The following CHST12 variants were observed in gnomAD, a reference collection of about 807,000 sequenced individuals.
CHST12 encodes the protein carbohydrate sulfotransferase 12.
In CHST12, 23 loss-of-function variants were observed where a neutral mutation model predicts 27.9. That is an observed-to-expected ratio of 0.82 (90% CI 0.59 to 1.17). CHST12 has a LOEUF of 1.17. CHST12 is among the 50% of genes most tolerant of loss of function. The pLI is 0.00. For synonymous variants in CHST12, 322 were observed against 273.0 expected (o/e 1.18, Z -1.77); for missense variants, 682 against 603.0 (o/e 1.13, Z -1.37).
At position 2,432,552 on chromosome 7, in the gene CHST12, T is replaced by C; in HGVS notation, c.-77-11T>C. 7.1e-7 allele frequency: 1 copy of C among 1,406,988 alleles called. No individual in the cohort carries two copies. The highest frequency in any genetic ancestry group is 9.6e-7 in the Non-Finnish European group (1 of 1,040,796). The allele number at this position is 1,406,988 out of a possible 1,614,324, so 87.2% of individuals were successfully genotyped here. ...CCTCAGTCATTAACTAGTGTGTCAT[T>C]GCATCTGCAGGTTCCCAGCAGGATG... On this transcript the variant is annotated splice_polypyrimidine_tract_variant and intron_variant, in intron 1 of 1. Coordinates refer to ENST00000618655, the MANE Select transcript of CHST12 (RefSeq NM_018641.5).
chr7:2,406,943 C>T (rs78318957), intron 1 of CHST12, among the ~76,000 whole-genome samples: 2,179 of 150,892 alleles, frequency 0.014, 49 homozygotes, highest in African/African-American at 0.05. Context: ...CGGAGGTGAG[C>T]GAAAATATCG....
At chr7:2,424,079 C>T (rs956679012) in intron 1 of CHST12, among the ~76,000 whole-genome samples, 1 of 151,810 alleles carries the variant, frequency 6.6e-6, no homozygotes, top group Non-Finnish European at 1.5e-5. Context: ...TAAGGCTGGG[C>T]ACAATGGCTT....
At chr7:2,423,757 C>T (rs1053626584) in intron 1 of CHST12, among the ~76,000 whole-genome samples, 3 of 152,196 alleles carry the variant, frequency 2.0e-5, no homozygotes, top group African/African-American at 7.2e-5. Flanking sequence ...GAGCTTTTTA[C>T]TGTGATTTAC....
At chr7:2,406,634 G>C (rs1237048086) in intron 1 of CHST12, among the ~76,000 whole-genome samples, 1 of 152,098 alleles carries the variant, frequency 6.6e-6, no homozygotes, top group East Asian at 1.9e-4. Flanking sequence ...CAGGAGGATG[G>C]ATGTGTCTTT....
At chr7:2,422,825 C>T (rs767656304) in intron 1 of CHST12, among the ~76,000 whole-genome samples, 34 of 151,160 alleles carry the variant, frequency 2.2e-4, no homozygotes, top group Non-Finnish European at 4.1e-4. Context: ...AGAGCCACTG[C>T]GTGCAGCCCT....
At chr7:2,404,484 G>A (rs547087215) in intron 1 of CHST12, among the ~76,000 whole-genome samples, 74 of 152,380 alleles carry the variant, frequency 4.9e-4, no homozygotes, top group African/African-American at 1.7e-3. Context: ...AGGAATGTGA[G>A]TTGCAGGCGC....
rs1782780161 is a variant in CHST12, at chr7:2,447,303, C to T, written c.*13419C>T. The T allele has an allele frequency of 6.6e-6, 1 of 152,284 alleles. No homozygotes were observed. The highest frequency in any genetic ancestry group is 1.5e-5 in the Non-Finnish European group (1 of 68,102). The allele number at this position is 152,284 out of a possible 1,614,324, so 9.4% of individuals were successfully genotyped here. A position where few individuals can be genotyped will look rare whatever the true frequency, so the allele number is the denominator to read the frequency against. On this transcript the variant is annotated 3_prime_UTR_variant, in exon 2 of 2. Transcript: ENST00000618655. ...CCAAAGCCTCCTCCTCTTACATCAG[C>T]AAACCTTCTGTTCGGTGACCCCCTC...
At position 2,438,791 on chromosome 7, in the gene CHST12, C is replaced by T. The variant is rs1435121420; in HGVS notation, c.*4907C>T. 6.6e-6 allele frequency: 1 copy of T among 152,262 alleles called. No individual in the cohort carries two copies. The highest frequency in any genetic ancestry group is 1.5e-5 in the Non-Finnish European group (1 of 68,082). The allele number at this position is 152,262 out of a possible 1,614,324, so 9.4% of individuals were successfully genotyped here. A position where few individuals can be genotyped will look rare whatever the true frequency, so the allele number is the denominator to read the frequency against. On this transcript the variant is annotated 3_prime_UTR_variant, in exon 2 of 2. Transcript: ENST00000618655. ...TTACCCTAGGAGGGCTGAGTCAGGCCTCCCTACCCAGGCCCAAGGGCAGAT... is the reference window on the plus strand; with the variant it reads ...TTACCCTAGGAGGGCTGAGTCAGGCTTCCCTACCCAGGCCCAAGGGCAGAT...
intron 1 of CHST12, among the ~76,000 whole-genome samples, chr7:2,405,877 A>C (rs1028093704): frequency 2.0e-5 from 3 of 152,180 alleles, no homozygotes; most frequent in African/African-American, 7.2e-5. Flanking sequence ...CTGGTGGAGA[A>C]GAGACAGCCT....
intron 1 of CHST12, among the ~76,000 whole-genome samples, chr7:2,416,675 C>CT (rs2115402623): frequency 6.6e-6 from 1 of 152,260 alleles, no homozygotes; most frequent in African/African-American, 2.4e-5. Context: ...ATTGTAGGAT[C>CT]TGTGGCCTGT....
Position 2,433,913 on chromosome 7 carries a change from C to T in CHST12, c.*29C>T. ...CTTTCGCGTTGCTTTTTCTCGCGTG[C>T]CTGGAACCTGACGCACGCGCACTCC... On this transcript the variant is annotated 3_prime_UTR_variant, in exon 2 of 2. Coordinates refer to ENST00000618655, the MANE Select transcript of CHST12 (RefSeq NM_018641.5). This position sits in a 1 kb window ranked among gnomAD's most constrained non-coding sequence, Gnocchi z 6.1. The T allele has an allele frequency of 2.6e-6, 4 of 1,534,976 alleles. No homozygotes were observed. Among genetic ancestry groups the T allele is most frequent in the Non-Finnish European group, 3.5e-6 (4 of 1,140,116 alleles).
Position 2,434,112 on chromosome 7 carries a change from ACCCGCCCGCCCGCTCG to A in CHST12, c.*234_*249del, listed in dbSNP as rs1209388507. ...TATCCCCTCTCCCCTCCGCCCGCCC[ACCCGCCCGCCCGCTCG>A]CCCGCTCGCCCGCTCCTGTGGTTTT... is the stretch of plus-strand genomic sequence containing the variant. On this transcript the variant is annotated 3_prime_UTR_variant, in exon 2 of 2. Coordinates refer to ENST00000618655, the MANE Select transcript of CHST12 (RefSeq NM_018641.5). The A allele has an allele frequency of 1.4e-5, 5 of 345,176 alleles. No homozygotes were observed. Among genetic ancestry groups the A allele is most frequent in the Non-Finnish European group, 2.1e-5 (4 of 193,568 alleles). 21.4% of individuals were successfully genotyped at this position (345,176 alleles called of 1,614,324 possible). A position where few individuals can be genotyped will look rare whatever the true frequency, so the allele number is the denominator to read the frequency against.
intron 1 of CHST12, among the ~76,000 whole-genome samples, chr7:2,411,638 A>G (rs1463607808): frequency 6.6e-6 from 1 of 151,948 alleles, no homozygotes; most frequent in Non-Finnish European, 1.5e-5. Flanking sequence ...GATAGGTGCC[A>G]GCCACCACAC....
rs896191653 is a variant in CHST12 at position 2,434,973 on chromosome 7, C to T, written c.*1089C>T. On this transcript the variant is annotated 3_prime_UTR_variant, in exon 2 of 2. Transcript: ENST00000618655. ...GTGCACATCTGTAAACCCAGCTACTCAGGAGGCTGAGGAGGGAGGATCACT... is the reference window on the plus strand; with the variant it reads ...GTGCACATCTGTAAACCCAGCTACTTAGGAGGCTGAGGAGGGAGGATCACT... 1 of 151,846 alleles carries T rather than the reference C, an allele frequency of 6.6e-6. No individual in the cohort carries two copies. The highest frequency in any genetic ancestry group is 2.4e-5 in the African/African-American group (1 of 41,264). 9.4% of individuals were successfully genotyped at this position (151,846 alleles called of 1,614,324 possible). A position where few individuals can be genotyped will look rare whatever the true frequency, so the allele number is the denominator to read the frequency against.
intron 1 of CHST12, among the ~76,000 whole-genome samples, chr7:2,412,464 G>A (rs925154709): frequency 1.3e-5 from 2 of 152,146 alleles, no homozygotes; most frequent in African/African-American, 4.8e-5. Context: ...GGTAGTTTCT[G>A]GTCTTTGTGT....
intron 1 of CHST12, among the ~76,000 whole-genome samples, chr7:2,413,373 T>C (rs1781717550): frequency 6.6e-6 from 1 of 152,258 alleles, no homozygotes; most frequent in African/African-American, 2.4e-5. Flanking sequence ...ATTTTCTTTT[T>C]AACTTTAAAT....
In CHST12 at chr7:2,438,880, T is replaced by C. The variant is rs1782537376; in HGVS notation, c.*4996T>C. On this transcript the variant is annotated 3_prime_UTR_variant, in exon 2 of 2. Transcript: ENST00000618655. ...GGGCTGATTTCCTGACCTGGACCCCTGAGACCCAGTGCTCTTAGCTGTGAG... is the reference window on the plus strand; with the variant it reads ...GGGCTGATTTCCTGACCTGGACCCCCGAGACCCAGTGCTCTTAGCTGTGAG... The C allele has an allele frequency of 6.6e-6, 1 of 152,256 alleles. No individual in the cohort carries two copies. The highest frequency in any genetic ancestry group is 2.4e-5 in the African/African-American group (1 of 41,430). 9.4% of individuals were successfully genotyped at this position (152,256 alleles called of 1,614,324 possible). A position where few individuals can be genotyped will look rare whatever the true frequency, so the allele number is the denominator to read the frequency against.
rs1413634548 is a variant in CHST12 at position 2,433,040 on chromosome 7, A to C, written c.401A>C (p.Asn134Thr). The C allele has an allele frequency of 6.2e-7, 1 of 1,610,948 alleles. No individual in the cohort carries two copies. ...RRSVLRGFCA[N>T]SSLAFPTKER... ...AGCGTGCTGCGGGGCTTCTGCGCCA[A>C]CTCCAGCCTGGCCTTCCCCACCAAG... Residue 134 changes from asparagine to threonine, a missense_variant, in exon 2 of 2, where the codon AAC (asparagine) becomes ACC (threonine). Transcript: ENST00000618655. The surrounding 1 kb of genome is among the most constrained non-coding windows in gnomAD (Gnocchi z 6.1).
At chr7:2,427,801 C>G (rs752436451) in intron 1 of CHST12, among the ~76,000 whole-genome samples, 1 of 152,078 alleles carries the variant, frequency 6.6e-6, no homozygotes, top group African/African-American at 2.4e-5. Context: ...CCTACTTGGT[C>G]ATGCCGTGAC....
Sources: gnomAD v4.1 joint callset for allele counts (sites outside exome capture counted in the v4.1 genomes callset) on GRCh38, gnomAD v4.1.1 for gene constraint, Gnocchi (gnomAD v3.1) non-coding constraint, MANE v1.5 for transcripts, NCBI Gene and HGNC (gene_info 2026-07-23, HGNC 2026-07-21) for gene names.